FZD3: variants seen among roughly 807,000 people sequenced by gnomAD.
The protein encoded by FZD3 is frizzled-3.
In FZD3, 30 loss-of-function variants were observed where a neutral mutation model predicts 60.7. The observed-to-expected ratio is 0.49, with a 90% CI of 0.37 to 0.67. FZD3 has a LOEUF of 0.67. FZD3 is among the 30% of genes least tolerant of loss of function. The pLI, the probability that FZD3 is intolerant of heterozygous loss-of-function variation, is 0.00. For synonymous variants in FZD3, 246 were observed against 275.2 expected, an observed-to-expected ratio of 0.89 and a Z score of 1.05; for missense variants, 605 against 838.7, an observed-to-expected ratio of 0.72 and a Z score of 3.44.
At chr8:28,542,822 C>T (rs1805201821) in intron 5 of FZD3, among the ~76,000 whole-genome samples, 1 of 152,096 alleles carries the variant, frequency 6.6e-6, no homozygotes, top group Non-Finnish European at 1.5e-5. Flanking sequence ...TCAACAAGGG[C>T]AGAGAATTTT....
intron 4 of FZD3, among the ~76,000 whole-genome samples, chr8:28,525,928 A>G (rs1270332762): frequency 3.3e-5 from 5 of 151,882 alleles, no homozygotes; most frequent in African/African-American, 1.2e-4. Flanking sequence ...TATGAAAGAT[A>G]AGGGACATCA....
chr8:28,539,195 C>T (rs547128963), intron 5 of FZD3, among the ~76,000 whole-genome samples: 24 of 152,326 alleles, frequency 1.6e-4, no homozygotes, highest in African/African-American at 5.3e-4. Flanking sequence ...TACTTCCCAT[C>T]GCTTGCATTA....
intron 1 of FZD3, among the ~76,000 whole-genome samples, chr8:28,496,486 A>G (rs1803847545): frequency 2.6e-5 from 4 of 152,110 alleles, no homozygotes; most frequent in South Asian, 2.1e-4. Context: ...AGAATTATGC[A>G]TGATTAAAAC....
At chr8:28,496,624 T>G (rs1312489216) in intron 1 of FZD3, among the ~76,000 whole-genome samples, 4 of 152,172 alleles carry the variant, frequency 2.6e-5, no homozygotes, top group Admixed American at 2.6e-4. Context: ...GTAGTGATAT[T>G]TCTATAATGT....
Position 28,567,989 on chromosome 8 carries a change from G to GA in FZD3, c.*4983dup, listed in dbSNP as rs1310035638. On this transcript the variant is annotated 3_prime_UTR_variant, in exon 8 of 8. Transcript: ENST00000240093. ...TATGTACCTCATTTTTTCTGATTGA[G>GA]AAAAAGTTTTGAAAAAGTGATTCAC... The GA allele has an allele frequency of 6.6e-6, 1 of 152,016 alleles. No individual in the cohort carries two copies. The highest frequency in any genetic ancestry group is 1.5e-5 in the Non-Finnish European group (1 of 67,968). The allele number at this position is 152,016 out of a possible 1,614,324, so 9.4% of individuals were successfully genotyped here. A position where few individuals can be genotyped will look rare whatever the true frequency, so the allele number is the denominator to read the frequency against.
At chr8:28,541,638 C>A (rs563083781) in intron 5 of FZD3, among the ~76,000 whole-genome samples, 1 of 152,318 alleles carries the variant, frequency 6.6e-6, no homozygotes, top group Admixed American at 6.5e-5. Flanking sequence ...GACTATACAG[C>A]CCAACCTTGT....
chr8:28,562,706 TC>T (rs1157977746), intron 7 of FZD3, 91 bp from the exon 8 acceptor site: 1 of 778,224 alleles, frequency 1.3e-6, no homozygotes, highest in African/African-American at 1.7e-5. Context: ...CCTAATAATT[TC>T]CCTTACTGAG....
At chr8:28,513,986 G>A (rs1364877977) in intron 3 of FZD3, among the ~76,000 whole-genome samples, 1 of 152,192 alleles carries the variant, frequency 6.6e-6, no homozygotes, top group Admixed American at 6.5e-5. Flanking sequence ...AAAGAGAATG[G>A]TAGCACAAAG....
intron 3 of FZD3, among the ~76,000 whole-genome samples, chr8:28,518,490 A>G (rs1804491830): frequency 6.6e-6 from 1 of 152,152 alleles, no homozygotes; most frequent in Non-Finnish European, 1.5e-5. Context: ...AAAGTCTGGT[A>G]TGTTGAGATG....
chr8:28,507,484 C>G lies in FZD3; in HGVS notation c.189+4282C>G, dbSNP rs78772354. On this transcript the variant is annotated intron_variant, in intron 3 of 7. Coordinates refer to ENST00000240093, the MANE Select transcript of FZD3 (RefSeq NM_017412.4). ...GAGCACATAATATTAAGTTGTTACTCTTTTTATAAATGTTAGCAGCCATTG... is the reference window on the plus strand; with the variant it reads ...GAGCACATAATATTAAGTTGTTACTGTTTTTATAAATGTTAGCAGCCATTG... 4.7e-3 allele frequency among the ~76,000 whole-genome samples: 719 copies of G among 152,248 alleles called. 26 individuals are homozygous for G. The East Asian group carries it at 0.091, about 19-fold the overall frequency.
chr8:28,515,312 CAG>C (rs1021093940), intron 3 of FZD3, among the ~76,000 whole-genome samples: 9 of 152,124 alleles, frequency 5.9e-5, no homozygotes, highest in African/African-American at 1.7e-4. Context: ...GGACGTAAGG[CAG>C]AGTCTCGGGA....
Position 28,569,273 on chromosome 8 carries a change from A to AT in FZD3, c.*6269dup, listed in dbSNP as rs1805761633. The stretch of plus-strand genomic sequence containing the variant: ...AAAATCTATTTTCTAAATTGGCAGG[A>AT]TTTTTTTAATGATTAGTAAAACTGT... On this transcript the variant is annotated 3_prime_UTR_variant, in exon 8 of 8. Coordinates refer to ENST00000240093, the MANE Select transcript of FZD3 (RefSeq NM_017412.4). 1.3e-5 allele frequency: 2 copies of AT among 151,554 alleles called. No homozygotes were observed. The highest frequency in any genetic ancestry group is 4.8e-5 in the African/African-American group (2 of 41,282). The allele number at this position is 151,554 out of a possible 1,614,324, so 9.4% of individuals were successfully genotyped here.
chr8:28,496,230 T>G (rs1411137238), intron 1 of FZD3, among the ~76,000 whole-genome samples: 1 of 152,188 alleles, frequency 6.6e-6, no homozygotes, highest in Admixed American at 6.5e-5. Context: ...CACAATAAGT[T>G]ATCTGTTTCC....
intron 5 of FZD3, among the ~76,000 whole-genome samples, chr8:28,538,312 A>T (rs1805072601): frequency 6.6e-6 from 1 of 152,118 alleles, no homozygotes; most frequent in African/African-American, 2.4e-5. Flanking sequence ...AGAATAGTAG[A>T]GTAGAAGCAA....
In FZD3 at chr8:28,564,103, T is replaced by C. The variant is rs1218475098; in HGVS notation, c.*1092T>C. ...CATTCTTGTTTACAACTGAAATATA[T>C]ATAACCTCAGTCCAAAGTGGTGATT... On this transcript the variant is annotated 3_prime_UTR_variant, in exon 8 of 8. Coordinates refer to ENST00000240093, the MANE Select transcript of FZD3 (RefSeq NM_017412.4). The C allele has an allele frequency of 6.6e-6, 1 of 152,658 alleles. No homozygotes were observed. The highest frequency in any genetic ancestry group is 2.4e-5 in the African/African-American group (1 of 41,444). 9.5% of individuals were successfully genotyped at this position (152,658 alleles called of 1,614,324 possible).
chr8:28,567,029 T>C lies in FZD3; in HGVS notation c.*4018T>C, dbSNP rs1370340410. 1 of 152,222 alleles carries C rather than the reference T, an allele frequency of 6.6e-6. No individual in the cohort carries two copies. Among genetic ancestry groups the C allele is most frequent in the Non-Finnish European group, 1.5e-5 (1 of 68,042 alleles). The allele number at this position is 152,222 out of a possible 1,614,324, so 9.4% of individuals were successfully genotyped here. On this transcript the variant is annotated 3_prime_UTR_variant, in exon 8 of 8. Transcript: ENST00000240093. ...CAGGGTCTTGCTCTGTCACACAGGC[T>C]GGAGAGCAGTGGCATAATCATAGTT...
At chr8:28,525,724 G>C (rs1233561843) in intron 4 of FZD3, among the ~76,000 whole-genome samples, 1 of 152,146 alleles carries the variant, frequency 6.6e-6, no homozygotes, top group Non-Finnish European at 1.5e-5. Flanking sequence ...GTGAACACAG[G>C]AGCAGCATAT....
In FZD3 at chr8:28,528,957, C is replaced by A. The variant is rs560735889; in HGVS notation, c.1404+793C>A. 7.2e-5 allele frequency among the ~76,000 whole-genome samples: 11 copies of A among 152,224 alleles called. No homozygotes were observed. In the South Asian group the frequency reaches 2.3e-3, roughly 32 times the overall value. ...TATGATTATTATTTAGAAACAGAGT[C>A]TTACTAGAATGCAGTGGCATGATCA... On this transcript the variant is annotated intron_variant, in intron 5 of 7. Coordinates refer to ENST00000240093, the MANE Select transcript of FZD3 (RefSeq NM_017412.4).
intron 5 of FZD3, among the ~76,000 whole-genome samples, chr8:28,534,242 C>A (rs1804953625): frequency 6.6e-6 from 1 of 152,124 alleles, no homozygotes; most frequent in Admixed American, 6.6e-5. Context: ...ATTATGTATA[C>A]GTTCTCATTT....
Sources: gnomAD v4.1 joint callset for allele counts (sites outside exome capture counted in the v4.1 genomes callset) on GRCh38, gnomAD v4.1.1 for gene constraint, MANE v1.5 for transcripts, NCBI Gene and HGNC (gene_info 2026-07-23, HGNC 2026-07-21) for gene names.